Variants in GALNT18 observed in about 807,000 individuals in gnomAD.
GALNT18 encodes the protein GalNAc-transferase 18.
GALNT18 carries 44 observed loss-of-function variants against 69.5 expected under a neutral mutation model. The observed-to-expected ratio is 0.63, with a 90% CI of 0.50 to 0.81. The LOEUF (loss-of-function observed/expected upper bound fraction) is 0.81, where lower values mean the gene tolerates loss of function less well. GALNT18 is among the 40% of genes least tolerant of loss of function. GALNT18 has a pLI of 0.00. For missense variants in GALNT18, 715 were observed against 810.0 expected (o/e 0.88, Z 1.42); for synonymous variants, 364 against 318.2 (o/e 1.14, Z -1.53).
rs1229048598 is a variant in GALNT18, at chr11:11,595,762, T to A, written c.235+25597A>T. On this transcript the variant is annotated intron_variant, in intron 1 of 10. Transcript: ENST00000227756. This position sits in a 1 kb window ranked among gnomAD's most constrained non-coding sequence, Gnocchi z 5.2. ...ATCACCTTTACTATTGCATTATGAG[T>A]TTTTGTAAATTCTGGATATTAACCC... Among the ~76,000 whole-genome samples, 1 of 152,234 alleles carries A rather than the reference T, an allele frequency of 6.6e-6. No individual in the cohort carries two copies. Among genetic ancestry groups the A allele is most frequent in the African/African-American group, 2.4e-5 (1 of 41,460 alleles).
rs914380197 is a variant in GALNT18 at position 11,582,440 on chromosome 11, C to T, written c.235+38919G>A. On this transcript the variant is annotated intron_variant, in intron 1 of 10. Transcript: ENST00000227756. The surrounding 1 kb of genome is among the most constrained non-coding windows in gnomAD (Gnocchi z 5.0). Reference sequence around the variant, plus strand: ...GATTCTGTGTCCCATCCCACAGTGACAATGAGTGACTGTCTCACTTGCTTG... The same window carrying T: ...GATTCTGTGTCCCATCCCACAGTGATAATGAGTGACTGTCTCACTTGCTTG... 2.0e-5 allele frequency among the ~76,000 whole-genome samples: 3 copies of T among 152,212 alleles called. No individual in the cohort carries two copies. The highest frequency in any genetic ancestry group is 2.0e-4 in the Admixed American group (3 of 15,280).
At chr11:11,446,287 G>A (rs1193770130) in intron 2 of GALNT18, among the ~76,000 whole-genome samples, 1 of 152,214 alleles carries the variant, frequency 6.6e-6, no homozygotes, top group Non-Finnish European at 1.5e-5. Flanking sequence ...CCCAGTTGTT[G>A]TTATAACCAG....
In GALNT18 at chr11:11,332,435, C is replaced by T. The variant is rs966683571; in HGVS notation, c.1416+259G>A. ...CTGCTTTATTATGTGTTTTATTAAGCGGAATATGCAGGTGTGGGGCCAGAG... is the reference window on the plus strand; with the variant it reads ...CTGCTTTATTATGTGTTTTATTAAGTGGAATATGCAGGTGTGGGGCCAGAG... On this transcript the variant is annotated intron_variant, in intron 8 of 10. Coordinates refer to ENST00000227756, the MANE Select transcript of GALNT18 (RefSeq NM_198516.3). The surrounding 1 kb of genome is among the most constrained non-coding windows in gnomAD (Gnocchi z 4.3). Among the ~76,000 whole-genome samples the T allele has an allele frequency of 7.2e-5, 11 of 152,176 alleles. No homozygotes were observed. Among genetic ancestry groups the T allele is most frequent in the South Asian group, 4.2e-4 (2 of 4,806 alleles).
rs759838471 is a variant in GALNT18 at position 11,583,726 on chromosome 11, C to G, written c.235+37633G>C. Among the ~76,000 whole-genome samples, 1 of 152,060 alleles carries G rather than the reference C, an allele frequency of 6.6e-6. No individual in the cohort carries two copies. The highest frequency in any genetic ancestry group is 2.1e-4 in the South Asian group (1 of 4,820). On this transcript the variant is annotated intron_variant, in intron 1 of 10. Coordinates refer to ENST00000227756, the MANE Select transcript of GALNT18 (RefSeq NM_198516.3). This position sits in a 1 kb window ranked among gnomAD's most constrained non-coding sequence, Gnocchi z 4.7. Reference sequence around the variant, plus strand: ...ACCACATACGTGGTCAGGGAAAATGCTTAAAGCTTCAGCTCCTTTCAGAAA... The same window carrying G: ...ACCACATACGTGGTCAGGGAAAATGGTTAAAGCTTCAGCTCCTTTCAGAAA...
intron 3 of GALNT18, among the ~76,000 whole-genome samples, chr11:11,416,104 C>T (rs1234741369): frequency 2.0e-5 from 3 of 152,200 alleles, no homozygotes; most frequent in African/African-American, 2.4e-5. Flanking sequence ...CAGACAAGCT[C>T]GCAGACACAG....
chr11:11,503,353 G>T (rs137972959), intron 1 of GALNT18, among the ~76,000 whole-genome samples: 1 of 152,144 alleles, frequency 6.6e-6, no homozygotes, highest in African/African-American at 2.4e-5. Context: ...TAGAAATGAC[G>T]ATCTGAAGGG....
At chr11:11,560,131 G>GCGTGGAATAGAATGA (rs1565012774) in intron 1 of GALNT18, among the ~76,000 whole-genome samples, 2 of 151,250 alleles carry the variant, frequency 1.3e-5, no homozygotes, top group East Asian at 2.0e-4. Flanking sequence ...GGATGGGATG[G>GCGTGGAATAGAATGA]GATAGAATAG....
intron 10 of GALNT18, among the ~76,000 whole-genome samples, chr11:11,290,533 C>T (rs952150043): frequency 6.6e-5 from 10 of 152,318 alleles, no homozygotes; most frequent in African/African-American, 2.4e-4. Flanking sequence ...CAGGATCGGC[C>T]ACCCCTGACT....
chr11:11,534,982 C>T (rs991964225), intron 1 of GALNT18, among the ~76,000 whole-genome samples: 14 of 152,246 alleles, frequency 9.2e-5, no homozygotes, highest in South Asian at 8.3e-4. Flanking sequence ...AGACCTTGTT[C>T]GGGTCCTGGC....
At chr11:11,576,358 A>G (rs953703743) in intron 1 of GALNT18, among the ~76,000 whole-genome samples, 3 of 152,246 alleles carry the variant, frequency 2.0e-5, no homozygotes, top group African/African-American at 7.2e-5. Flanking sequence ...ACAGAGTATC[A>G]TATCATTCCA....
At chr11:11,322,165 T>C (rs1849851202) in intron 9 of GALNT18, among the ~76,000 whole-genome samples, 1 of 152,262 alleles carries the variant, frequency 6.6e-6, no homozygotes, top group Admixed American at 6.5e-5. Context: ...TTTTGGTGTA[T>C]CTACCATTGT....
intron 1 of GALNT18, among the ~76,000 whole-genome samples, chr11:11,487,482 C>T (rs1222410245): frequency 6.6e-6 from 1 of 152,122 alleles, no homozygotes; most frequent in Non-Finnish European, 1.5e-5. Flanking sequence ...TTAGGAAATG[C>T]TAGTACAAAT....
chr11:11,365,335 T>C (rs1323888888), intron 6 of GALNT18, among the ~76,000 whole-genome samples: 1 of 152,254 alleles, frequency 6.6e-6, no homozygotes, highest in Admixed American at 6.5e-5. Flanking sequence ...CTCATTCCTT[T>C]TTATGGCTGC....
chr11:11,569,244 A>AG (rs1327015314), intron 1 of GALNT18, among the ~76,000 whole-genome samples: 8 of 115,204 alleles, frequency 6.9e-5, no homozygotes, highest in South Asian at 3.9e-4. Context: ...GGAAGGCTGA[A>AG]GGGAAAAAAA....
At chr11:11,611,297 C>T (rs1282906460) in intron 1 of GALNT18, among the ~76,000 whole-genome samples, 5 of 152,094 alleles carry the variant, frequency 3.3e-5, no homozygotes, top group Admixed American at 2.6e-4. Context: ...TCTTCCTTTC[C>T]AAATCCTGAG....
chr11:11,316,095 G>A (rs1849747954), intron 9 of GALNT18, among the ~76,000 whole-genome samples: 1 of 152,166 alleles, frequency 6.6e-6, no homozygotes, highest in Non-Finnish European at 1.5e-5. Context: ...ACCAGAAAAA[G>A]CTGCAGGAGT....
rs78886388 is a variant in GALNT18 at position 11,534,711 on chromosome 11, C to T, written c.236-85775G>A. Among the ~76,000 whole-genome samples, 267 of 152,342 alleles carry T rather than the reference C, an allele frequency of 1.8e-3. 5 individuals are homozygous for T. In the East Asian group the frequency reaches 0.037, roughly 21 times the overall value. On this transcript the variant is annotated intron_variant, in intron 1 of 10. Transcript: ENST00000227756. ...TTGGCACTTACTTCATTCTATTTAG[C>T]AGACAAATAGAACCTGTGCAGTTCT...
rs1849733132 is a variant in GALNT18, at chr11:11,315,279, C to T, written c.1512+11807G>A. The stretch of plus-strand genomic sequence containing the variant: ...AGCTGAGATTCACAGCCAGGTGGAC[C>T]TAGCAAGGTCCATTCACTTCCTTTC... On this transcript the variant is annotated intron_variant, in intron 9 of 10. Transcript: ENST00000227756. The surrounding 1 kb of genome is among the most constrained non-coding windows in gnomAD (Gnocchi z 5.6). 6.6e-6 allele frequency among the ~76,000 whole-genome samples: 1 copy of T among 152,158 alleles called. No individual in the cohort carries two copies. The highest frequency in any genetic ancestry group is 2.4e-5 in the African/African-American group (1 of 41,434).
intron 1 of GALNT18, among the ~76,000 whole-genome samples, chr11:11,499,349 T>C (rs1476113723): frequency 6.6e-6 from 1 of 152,220 alleles, no homozygotes; most frequent in Non-Finnish European, 1.5e-5. Flanking sequence ...TCCTCTACTT[T>C]GTGAGTTGAT....
Sources: allele counts gnomAD v4.1 joint callset (sites outside exome capture counted in the v4.1 genomes callset), GRCh38; gene constraint gnomAD v4.1.1; non-coding constraint Gnocchi (gnomAD v3.1); transcripts MANE v1.5; gene names NCBI Gene and HGNC (gene_info 2026-07-23, HGNC 2026-07-21).